The following UBE2U variants were observed in gnomAD, a reference collection of about 807,000 sequenced individuals.
The protein encoded by UBE2U is ubiquitin conjugating enzyme E2 U.
A neutral mutation model predicts 41.2 loss-of-function variants in UBE2U; 39 were observed. The ratio of observed to expected loss-of-function variants is 0.95; its 90% CI spans 0.73 to 1.24. UBE2U has a LOEUF of 1.24. Among genes scored for constraint, UBE2U ranks in the 50% most tolerant of loss-of-function variants. The probability of loss-of-function intolerance (pLI) is 0.00; values close to 1 mark genes in which losing one functional copy is unlikely to be tolerated. For synonymous variants in UBE2U, 107 were observed against 117.8 expected, an observed-to-expected ratio of 0.91 and a Z score of 0.60; for missense variants, 336 against 363.1, an observed-to-expected ratio of 0.93 and a Z score of 0.61.
At position 64,210,431 on chromosome 1, in the gene UBE2U, G is replaced by A. The variant is rs116832387; in HGVS notation, c.242-311G>A. 7.7e-3 allele frequency among the ~76,000 whole-genome samples: 1,176 copies of A among 152,236 alleles called. 8 individuals carry two copies. The highest frequency in any genetic ancestry group is 0.013 in the Non-Finnish European group (884 of 68,024). The stretch of plus-strand genomic sequence containing the variant: ...AGGGGGAAGAAAAGAAGGAAAGCCA[G>A]CTTCCTTTAAAAAAAGACTCAGAAA... On this transcript the variant is annotated intron_variant, in intron 3 of 9. Transcript: ENST00000371077.
chr1:64,216,085 C>G (rs771526805), intron 5 of UBE2U, among the ~76,000 whole-genome samples: 47 of 152,262 alleles, frequency 3.1e-4, no homozygotes, highest in Admixed American at 7.8e-4. Flanking sequence ...ACTCCCAGTC[C>G]ATTAGCTAGG....
intron 6 of UBE2U, among the ~76,000 whole-genome samples, chr1:64,223,454 T>A (rs1652633430): frequency 6.6e-6 from 1 of 152,154 alleles, no homozygotes; most frequent in South Asian, 2.1e-4. Context: ...GAGGGCAGAT[T>A]GAATCATATC....
intron 5 of UBE2U, among the ~76,000 whole-genome samples, chr1:64,218,374 T>C (rs1215860895): frequency 1.3e-5 from 2 of 152,218 alleles, no homozygotes; most frequent in Non-Finnish European, 2.9e-5. Flanking sequence ...CCAGTAACTT[T>C]TCGGCAAAGT....
At chr1:64,222,467 C>T (rs548880953) in intron 6 of UBE2U, among the ~76,000 whole-genome samples, 1 of 152,274 alleles carries the variant, frequency 6.6e-6, no homozygotes, top group South Asian at 2.1e-4. Flanking sequence ...CTGAGCCAAA[C>T]CAAGGATAAA....
chr1:64,253,322 G>A (rs1446123142), intron 8 of UBE2U, among the ~76,000 whole-genome samples: 2 of 151,832 alleles, frequency 1.3e-5, no homozygotes, highest in Non-Finnish European at 2.9e-5. Flanking sequence ...GAGAATGGAA[G>A]CAAGTTGGAA....
At chr1:64,248,520 A>G (rs1029034606) in intron 8 of UBE2U, among the ~76,000 whole-genome samples, 7 of 151,818 alleles carry the variant, frequency 4.6e-5, no homozygotes, top group Non-Finnish European at 1.0e-4. Flanking sequence ...GCCCCAATCT[A>G]TGTGAGAAAC....
At chr1:64,212,088 T>A (rs2100268268) in intron 4 of UBE2U, among the ~76,000 whole-genome samples, 1 of 152,330 alleles carries the variant, frequency 6.6e-6, no homozygotes, top group South Asian at 2.1e-4. Context: ...CAATGTTCAG[T>A]TCATTCATTC....
intron 3 of UBE2U, among the ~76,000 whole-genome samples, chr1:64,209,630 C>T (rs1651540364): frequency 1.3e-5 from 2 of 152,146 alleles, no homozygotes; most frequent in African/African-American, 2.4e-5. Flanking sequence ...TTTATAATTA[C>T]ATATGAACTT....
intron 2 of UBE2U, 106 bp from the exon 3 acceptor site, chr1:64,206,658 A>T (rs931681562): frequency 3.0e-6 from 2 of 665,098 alleles, no homozygotes; most frequent in Non-Finnish European, 2.5e-6. Context: ...CTTAAAAATA[A>T]AACTGTGGAA....
At position 64,262,819 on chromosome 1, in the gene UBE2U, G is replaced by A. The variant is rs189456407; in HGVS notation, c.769+2125G>A. The stretch of plus-strand genomic sequence containing the variant: ...AATACCAGGATGCAGGGATTCTAGG[G>A]GCCATCTTGGAGTCTGTCCGGCACA... On this transcript the variant is annotated intron_variant, in intron 9 of 9. Transcript: ENST00000371077. 3.9e-5 allele frequency among the ~76,000 whole-genome samples: 6 copies of A among 152,220 alleles called. No individual in the cohort carries two copies. The East Asian group carries it at 1.2e-3, about 29-fold the overall frequency.
At chr1:64,225,875 T>G (rs1652832141) in intron 6 of UBE2U, among the ~76,000 whole-genome samples, 1 of 152,250 alleles carries the variant, frequency 6.6e-6, no homozygotes, top group African/African-American at 2.4e-5. Context: ...GGTAAAGATA[T>G]GGAGTAATTG....
intron 3 of UBE2U, among the ~76,000 whole-genome samples, chr1:64,208,835 A>G (rs1178582805): frequency 6.6e-6 from 1 of 152,134 alleles, no homozygotes; most frequent in African/African-American, 2.4e-5. Context: ...TGCGTGGCAT[A>G]TAGTAGGTAT....
intron 9 of UBE2U, 145 bp downstream of exon 9, chr1:64,260,839 T>C (rs780238092): frequency 1.3e-4 from 71 of 558,444 alleles, no homozygotes; most frequent in Non-Finnish European, 1.9e-4. Context: ...GCTTTAACTT[T>C]TTCTGACTTT....
At chr1:64,205,198 C>CAAGTG (rs1352654371) in intron 1 of UBE2U, among the ~76,000 whole-genome samples, 1 of 152,184 alleles carries the variant, frequency 6.6e-6, no homozygotes, top group East Asian at 1.9e-4. Flanking sequence ...CTTTTATATA[C>CAAGTG]AAGTGTAATT....
chr1:64,221,273 G>A (rs183018472), intron 6 of UBE2U, among the ~76,000 whole-genome samples: 33 of 151,976 alleles, frequency 2.2e-4, no homozygotes, highest in Admixed American at 8.5e-4. Context: ...CACCACACCC[G>A]GCTAATTTTT....
chr1:64,226,429 A>G (rs1652870751), intron 6 of UBE2U, among the ~76,000 whole-genome samples: 1 of 152,228 alleles, frequency 6.6e-6, no homozygotes, highest in Non-Finnish European at 1.5e-5. Flanking sequence ...TACATCTTGT[A>G]TGAGGTAATG....
chr1:64,238,241 C>A (rs1233380678), intron 7 of UBE2U, among the ~76,000 whole-genome samples: 1 of 152,022 alleles, frequency 6.6e-6, no homozygotes, highest in African/African-American at 2.4e-5. Flanking sequence ...CCCATCTCTA[C>A]TAAAAATACA....
chr1:64,248,758 AGGTATAAAT>A (rs1195882745), intron 8 of UBE2U, among the ~76,000 whole-genome samples: 1 of 152,194 alleles, frequency 6.6e-6, no homozygotes, highest in African/African-American at 2.4e-5. Flanking sequence ...AGGGAAGAAA[AGGTATAAAT>A]CAAGTTATGT....
At chr1:64,264,116 C>G (rs1296517233) in intron 9 of UBE2U, among the ~76,000 whole-genome samples, 1 of 152,196 alleles carries the variant, frequency 6.6e-6, no homozygotes, top group East Asian at 1.9e-4. Flanking sequence ...GCTCTGTTTT[C>G]CTAACTGAAC....
Sources: gnomAD v4.1 joint callset for allele counts (sites outside exome capture counted in the v4.1 genomes callset) on GRCh38, gnomAD v4.1.1 for gene constraint, MANE v1.5 for transcripts, NCBI Gene and HGNC (gene_info 2026-07-23, HGNC 2026-07-21) for gene names.